Variants in GPR173 observed in about 807,000 individuals in gnomAD.
GPR173 encodes the protein probable G protein-coupled receptor 173.
In GPR173, 2 loss-of-function variants were observed where a neutral mutation model predicts 13.9. The ratio of observed to expected loss-of-function variants is 0.14; its 90% CI spans 0.06 to 0.45. The LOEUF is 0.45. Among genes scored for constraint, GPR173 ranks in the 20% least tolerant of loss-of-function variants. GPR173 has a pLI of 0.98. For synonymous variants in GPR173, 131 were observed against 141.0 expected (o/e 0.93, Z 0.50); for missense variants, 202 against 340.5 (o/e 0.59, Z 3.20).
chrX:53,077,490 C>T lies in GPR173; in HGVS notation c.869C>T (p.Ala290Val), dbSNP rs782690590. The T allele has an allele frequency of 4.1e-5, 50 of 1,210,399 alleles. No homozygotes were observed. The highest frequency in any genetic ancestry group is 7.0e-5 in the South Asian group (4 of 56,875). ...AAGCAGCTGGGCCGCATGTTCTACG[C>T]GATCACACTGCTCTTTCTGCTCCTC... Reference protein sequence around the residue: ...GEKQLGRMFYAITLLFLLLWS... With the variant: ...GEKQLGRMFYVITLLFLLLWS... The change falls in exon 2 of 2, where the codon GCG (alanine) becomes GTG (valine). Residue 290 changes from alanine to valine, a missense_variant. This residue lies in a region of GPR173 where 76 missense variants were observed against 116.3 expected (regional missense o/e 0.65). Transcript: ENST00000332582.
At chrX:53,057,567 A>G (rs12389147) in intron 1 of GPR173, among the ~76,000 whole-genome samples, 31,344 of 104,569 alleles carry the variant, frequency 0.3, 4,902 homozygotes, top group African/African-American at 0.58. Flanking sequence ...GAGAAACCCC[A>G]TCTCTACTAA....
intron 1 of GPR173, among the ~76,000 whole-genome samples, chrX:53,068,215 T>G (rs1427055321): frequency 9.0e-6 from 1 of 111,471 alleles, no homozygotes; most frequent in East Asian, 2.8e-4. Context: ...GTCTGGGCAA[T>G]GGATCCACTG....
chrX:53,058,853 T>C (rs1403088599), intron 1 of GPR173, among the ~76,000 whole-genome samples: 2 of 111,138 alleles, frequency 1.8e-5, no homozygotes, highest in African/African-American at 6.6e-5. Flanking sequence ...TGTATGTATG[T>C]ATGTAAGTGC....
rs781961746 is a variant in GPR173, at chrX:53,076,658, G to A, written c.37G>A (p.Gly13Ser). 1.8e-5 allele frequency: 22 copies of A among 1,197,218 alleles called. No individual in the cohort carries two copies. Among genetic ancestry groups the A allele is most frequent in the African/African-American group, 1.1e-4 (6 of 57,143 alleles). ...NTTGEPEEVSGALSPPSASAY... is the reference protein window; with the variant it reads ...NTTGEPEEVSSALSPPSASAY... ...TACCGGAGAGCCTGAGGAGGTGAGCGGCGCTCTGTCCCCACCGTCCGCATC... is the reference window on the plus strand; with the variant it reads ...TACCGGAGAGCCTGAGGAGGTGAGCAGCGCTCTGTCCCCACCGTCCGCATC... The change falls in exon 2 of 2, where the codon GGC (glycine) becomes AGC (serine). Residue 13 changes from glycine (G) to serine (S), a missense_variant. Coordinates refer to ENST00000332582, the MANE Select transcript of GPR173 (RefSeq NM_018969.6).
At chrX:53,061,357 G>A in intron 1 of GPR173, among the ~76,000 whole-genome samples, 1 of 111,930 alleles carries the variant, frequency 8.9e-6, no homozygotes, top group African/African-American at 3.2e-5. Context: ...AACGGGGAAT[G>A]TTTGTGTGTC....
chrX:53,059,205 C>T (rs781965644), intron 1 of GPR173, among the ~76,000 whole-genome samples: 9 of 106,557 alleles, frequency 8.4e-5, no homozygotes, highest in Non-Finnish European at 1.2e-4. Context: ...GCTGAGATCG[C>T]GCAACTGCAC....
intron 1 of GPR173, among the ~76,000 whole-genome samples, chrX:53,070,398 A>G (rs1473922700): frequency 9.0e-6 from 1 of 111,649 alleles, no homozygotes; most frequent in East Asian, 2.8e-4. Flanking sequence ...GCCCTCTCAT[A>G]TCCAGTGCCC....
chrX:53,074,271 T>G lies in GPR173; in HGVS notation c.-97-2254T>G, dbSNP rs1216550369. On this transcript the variant is annotated intron_variant, in intron 1 of 1. Coordinates refer to ENST00000332582, the MANE Select transcript of GPR173 (RefSeq NM_018969.6). ...ATATACATTTATATTTATTCATATA[T>G]AAATATACATTTACATATAAATATA... 5.1e-3 allele frequency among the ~76,000 whole-genome samples: 338 copies of G among 66,189 alleles called. 8 individuals carry two copies. The highest frequency in any genetic ancestry group is 0.02 in the Middle Eastern group (1 of 50). The allele number at this position is 66,189 out of a possible 115,157, so 57.5% of individuals were successfully genotyped here.
chrX:53,060,043 CAT>C (rs1182147416), intron 1 of GPR173, among the ~76,000 whole-genome samples: 9 of 106,821 alleles, frequency 8.4e-5, no homozygotes, highest in East Asian at 2.9e-4. Context: ...CACACACACA[CAT>C]ACACACACGC....
At chrX:53,073,800 A>G (rs1932304780) in intron 1 of GPR173, among the ~76,000 whole-genome samples, 1 of 79,149 alleles carries the variant, frequency 1.3e-5, no homozygotes, top group Non-Finnish European at 2.3e-5. Context: ...ATTTTTATAT[A>G]TTTAAAAAAT....
intron 1 of GPR173, among the ~76,000 whole-genome samples, chrX:53,066,421 A>G (rs1352441622): frequency 4.5e-5 from 5 of 111,882 alleles, no homozygotes; most frequent in African/African-American, 1.6e-4. Flanking sequence ...TGTTGAAGCC[A>G]GTAAACATAA....
At chrX:53,074,348 T>A (rs797041949) in intron 1 of GPR173, among the ~76,000 whole-genome samples, 6 of 15,953 alleles carry the variant, frequency 3.8e-4, no homozygotes, top group East Asian at 3.2e-3. Flanking sequence ...TTATATATAT[T>A]TATATATATT....
In GPR173 at chrX:53,077,820, G is replaced by A. The variant is rs1932463057; in HGVS notation, c.*77G>A. On this transcript the variant is annotated 3_prime_UTR_variant, in exon 2 of 2. Coordinates refer to ENST00000332582, the MANE Select transcript of GPR173 (RefSeq NM_018969.6). ...GGCCAACAGCAAGGGAGGGGTAGGG[G>A]CCCATACAGGAGTCCTCCTTTCTGA... The A allele has an allele frequency of 1.2e-6, 1 of 840,686 alleles. No homozygotes were observed. The highest frequency in any genetic ancestry group is 2.5e-5 in the South Asian group (1 of 40,410). 69.3% of individuals were successfully genotyped at this position (840,686 alleles called of 1,213,427 possible).
chrX:53,067,123 T>C (rs782066878), intron 1 of GPR173, among the ~76,000 whole-genome samples: 2 of 112,263 alleles, frequency 1.8e-5, no homozygotes, highest in East Asian at 5.6e-4. Context: ...TCAACACCCA[T>C]AGATGCATGG....
intron 1 of GPR173, among the ~76,000 whole-genome samples, chrX:53,074,601 T>A (rs1374635577): frequency 2.1e-5 from 1 of 48,712 alleles, no homozygotes; most frequent in Non-Finnish European, 3.2e-5. Context: ...TATATTTATT[T>A]ATAAATAACT....
chrX:53,050,247 G>A (rs1304624768), intron 1 of GPR173, among the ~76,000 whole-genome samples: 1 of 111,197 alleles, frequency 9.0e-6, no homozygotes, highest in African/African-American at 3.3e-5. Context: ...TGGTTCTGTG[G>A]GGGCAAAGAC....
chrX:53,072,329 T>C (rs1932269792), intron 1 of GPR173, among the ~76,000 whole-genome samples: 1 of 107,649 alleles, frequency 9.3e-6, no homozygotes, highest in African/African-American at 3.4e-5. Context: ...CCACCCCGTC[T>C]CTATTTTTCT....
rs782436092 is a variant in GPR173, at chrX:53,049,058, A to AGGGGGGGG, written c.-522_-515dup. ...AAGGCGGCGGCCAGCAGGCAGACGG[A>AGGGGGGGG]GGGGGGGGGTGGGGGGTGGGGGGGG... On this transcript the variant is annotated 5_prime_UTR_variant, in exon 1 of 2. Transcript: ENST00000332582. 3.2e-5 allele frequency: 1 copy of AGGGGGGGG among 31,087 alleles called. No individual in the cohort carries two copies. Among genetic ancestry groups the AGGGGGGGG allele is most frequent in the Non-Finnish European group, 7.3e-5 (1 of 13,669 alleles). The allele number at this position is 31,087 out of a possible 1,213,427, so 2.6% of individuals were successfully genotyped here.
intron 1 of GPR173, among the ~76,000 whole-genome samples, chrX:53,073,317 G>C (rs931065302): frequency 1.8e-5 from 2 of 109,691 alleles, no homozygotes; most frequent in African/African-American, 3.3e-5. Context: ...TTCCTGGGAG[G>C]GAGGGAGTAG....
Sources: allele counts gnomAD v4.1 joint callset (sites outside exome capture counted in the v4.1 genomes callset), GRCh38; gene constraint gnomAD v4.1.1; regional missense constraint gnomAD v4.1.1; transcripts MANE v1.5; gene names NCBI Gene and HGNC (gene_info 2026-07-23, HGNC 2026-07-21).